The following C10orf67 variants were observed in gnomAD, a reference collection of about 807,000 sequenced individuals.
The protein encoded by C10orf67 is uncharacterized protein C10orf67, mitochondrial.
Under a neutral mutation model 35.6 loss-of-function variants are expected in C10orf67, and 60 were observed. That is an observed-to-expected ratio of 1.68 (90% confidence interval 1.37 to 2.09). C10orf67 has a LOEUF of 2.09. Among genes scored for constraint, C10orf67 ranks in the 30% most tolerant of loss-of-function variants. The pLI, the probability that C10orf67 is intolerant of heterozygous loss-of-function variation, is 0.00. For missense variants in C10orf67, 474 were observed against 330.2 expected (o/e 1.44, Z -3.38); for synonymous variants, 167 against 115.8 (o/e 1.44, Z -2.84).
At chr10:23,283,968 G>A (rs72809510) in intron 7 of C10orf67, among the ~76,000 whole-genome samples, 2,855 of 152,192 alleles carry the variant, frequency 0.019, 47 homozygotes, top group South Asian at 0.031. Flanking sequence ...GACCGACACA[G>A]ATACAGCTGG....
In C10orf67 at chr10:23,294,583, A is replaced by T. The variant is rs1339042445; in HGVS notation, c.703-3304T>A. On this transcript the variant is annotated intron_variant, in intron 5 of 15. Coordinates refer to ENST00000636213, the MANE Select transcript of C10orf67 (RefSeq NM_001371909.1). ...TCCCTTGAATGAAGTTGCTCTTGGG[A>T]AAATTCGACATTCAGGATGTTCCCA... Among the ~76,000 whole-genome samples the T allele has an allele frequency of 3.3e-5, 5 of 152,332 alleles. No individual in the cohort carries two copies. The East Asian group carries it at 9.6e-4, about 29-fold the overall frequency.
chr10:23,306,028 A>G (rs373299801), intron 4 of C10orf67, among the ~76,000 whole-genome samples: 15 of 152,058 alleles, frequency 9.9e-5, no homozygotes, highest in African/African-American at 2.9e-4. Context: ...AATATTTACA[A>G]TGGTAGTATG....
At chr10:23,249,258 A>G (rs757334608) in intron 12 of C10orf67, among the ~76,000 whole-genome samples, 1 of 152,146 alleles carries the variant, frequency 6.6e-6, no homozygotes, top group Non-Finnish European at 1.5e-5. Flanking sequence ...TGAACCCTAC[A>G]GAAATAAATA....
chr10:23,327,561 T>A (rs1845247523), intron 2 of C10orf67, among the ~76,000 whole-genome samples: 1 of 152,188 alleles, frequency 6.6e-6, no homozygotes, highest in South Asian at 2.1e-4. Flanking sequence ...GCACGTTGGC[T>A]CACACCTGTA....
At chr10:23,250,371 T>TA (rs1325999694) in intron 12 of C10orf67, 84 bp downstream of exon 12, 8 of 396,866 alleles carry the variant, frequency 2.0e-5, no homozygotes, top group East Asian at 3.6e-5. Flanking sequence ...CATTAGTATG[T>TA]AAAAAAATTG....
In C10orf67 at chr10:23,267,251, T is replaced by G; in HGVS notation, c.979A>C (p.Asn327His). 1.4e-6 allele frequency: 1 copy of G among 714,864 alleles called. No individual in the cohort carries two copies. The highest frequency in any genetic ancestry group is 2.7e-5 in the East Asian group (1 of 37,232). The allele number at this position is 714,864 out of a possible 1,614,324, so 44.3% of individuals were successfully genotyped here. A position where few individuals can be genotyped will look rare whatever the true frequency, so the allele number is the denominator to read the frequency against. The stretch of plus-strand genomic sequence containing the variant: ...ATTTCCTTGTCCTCTTTCTGTTTAT[T>G]AATCTGTAAAATTGAAGACCCATAT... ...YEKSLVQDVI[N>H]KQKEDKEMRK... is the part of the protein sequence containing the mutation. Residue 327 changes from asparagine to histidine, a missense_variant, in exon 9 of 16, where the codon AAT becomes CAT. Transcript: ENST00000636213.
intron 1 of C10orf67, among the ~76,000 whole-genome samples, chr10:23,338,529 C>T (rs753778657): frequency 1.3e-5 from 2 of 152,162 alleles, no homozygotes; most frequent in Non-Finnish European, 2.9e-5. Flanking sequence ...CCAGAACCAC[C>T]GAGCATGAAC....
chr10:23,270,924 C>G (rs1843000679), intron 8 of C10orf67, among the ~76,000 whole-genome samples: 2 of 152,238 alleles, frequency 1.3e-5, no homozygotes. Context: ...GTTATATGTA[C>G]AGAACTCTGA....
At chr10:23,319,002 T>A in intron 4 of C10orf67, 1 of 715,184 alleles carries the variant, frequency 1.4e-6, no homozygotes, top group Non-Finnish European at 2.6e-6. Flanking sequence ...CCCTTTTTTT[T>A]CTTTCCAATT....
At position 23,283,395 on chromosome 10, in the gene C10orf67, C is replaced by A. The variant is rs150790018; in HGVS notation, c.910-1317G>T. On this transcript the variant is annotated intron_variant, in intron 7 of 15. Coordinates refer to ENST00000636213, the MANE Select transcript of C10orf67 (RefSeq NM_001371909.1). The stretch of plus-strand genomic sequence containing the variant: ...GTCTGTATGAATTTAATAAACATCC[C>A]CAGTGTCACTGTTCTTGTTTCAGTT... Among the ~76,000 whole-genome samples the A allele has an allele frequency of 3.9e-5, 6 of 152,218 alleles. No individual in the cohort carries two copies. The East Asian group carries it at 1.2e-3, about 29-fold the overall frequency.
intron 4 of C10orf67, among the ~76,000 whole-genome samples, chr10:23,320,164 G>C (rs927685815): frequency 6.6e-6 from 1 of 152,166 alleles, no homozygotes; most frequent in African/African-American, 2.4e-5. Flanking sequence ...TGAGTGCTAT[G>C]ATAAGAAACT....
Position 23,338,555 on chromosome 10 carries a change from T to C in C10orf67, c.207-5373A>G, listed in dbSNP as rs562050372. On this transcript the variant is annotated intron_variant, in intron 1 of 15. Coordinates refer to ENST00000636213, the MANE Select transcript of C10orf67 (RefSeq NM_001371909.1). The stretch of plus-strand genomic sequence containing the variant: ...GAGCATGAACTTACAGAACATCTTA[T>C]CCATCATCACGGTATTCTCACAGCA... Among the ~76,000 whole-genome samples the C allele has an allele frequency of 2.6e-5, 4 of 152,290 alleles. No homozygotes were observed. In the East Asian group the frequency reaches 7.7e-4, roughly 29 times the overall value.
At chr10:23,343,563 A>G (rs1340715778) in intron 1 of C10orf67, among the ~76,000 whole-genome samples, 1 of 152,140 alleles carries the variant, frequency 6.6e-6, no homozygotes, top group Admixed American at 6.5e-5. Context: ...ATTCACTATG[A>G]TCTATGAAGC....
At position 23,282,855 on chromosome 10, in the gene C10orf67, T is replaced by C. The variant is rs118173654; in HGVS notation, c.910-777A>G. Among the ~76,000 whole-genome samples, 484 of 151,410 alleles carry C rather than the reference T, an allele frequency of 3.2e-3. 14 individuals carry two copies. The East Asian group carries it at 0.049, about 15-fold the overall frequency. On this transcript the variant is annotated intron_variant, in intron 7 of 15. Transcript: ENST00000636213. ...AAACCAACCATTTATTTGTGGGAGC[T>C]AGAAATTGAAACAATTGAACTTACG...
intron 10 of C10orf67, among the ~76,000 whole-genome samples, chr10:23,263,128 T>A (rs571202820): frequency 6.6e-6 from 1 of 152,182 alleles, no homozygotes; most frequent in Non-Finnish European, 1.5e-5. Flanking sequence ...ACAGGTAAAG[T>A]GCTGGTTTTC....
chr10:23,318,356 G>A (rs1844817465), intron 4 of C10orf67: 1 of 152,752 alleles, frequency 6.5e-6, no homozygotes, highest in Non-Finnish European at 1.5e-5. Context: ...TGGAGACCCA[G>A]TAGTACCTAC....
chr10:23,341,237 G>A (rs905865771), intron 1 of C10orf67, among the ~76,000 whole-genome samples: 2 of 152,278 alleles, frequency 1.3e-5, no homozygotes, highest in Middle Eastern at 3.4e-3. Context: ...CTTAACTTCA[G>A]ACTCATCTAA....
At chr10:23,328,993 C>CAAAAAAAAAAAAAAAAAAGAAAAAAA (rs1845310437) in intron 2 of C10orf67, among the ~76,000 whole-genome samples, 2 of 78,732 alleles carry the variant, frequency 2.5e-5, no homozygotes, top group African/African-American at 4.9e-5. Context: ...CATAAACGAA[C>CAAAAAAAAAAAAAAAAAAGAAAAAAA]AAAAAAAAAA....
intron 8 of C10orf67, among the ~76,000 whole-genome samples, chr10:23,273,911 G>A (rs541780008): frequency 1.3e-5 from 2 of 152,268 alleles, no homozygotes; most frequent in Non-Finnish European, 2.9e-5. Flanking sequence ...GGGGGAACCA[G>A]CCCCCAATAT....
Sources: gnomAD v4.1 joint callset for allele counts (sites outside exome capture counted in the v4.1 genomes callset) on GRCh38, gnomAD v4.1.1 for gene constraint, MANE v1.5 for transcripts, NCBI Gene and HGNC (gene_info 2026-07-23, HGNC 2026-07-21) for gene names.